The following ARFGEF2 variants were observed in gnomAD, a reference collection of about 807,000 sequenced individuals.
ARFGEF2 encodes the protein ARF guanine nucleotide exchange factor 2.
A neutral mutation model predicts 219.9 loss-of-function variants in ARFGEF2; 74 were observed. The observed-to-expected ratio is 0.34, with a 90% CI of 0.28 to 0.41. The LOEUF (loss-of-function observed/expected upper bound fraction) is 0.41, where lower values mean the gene tolerates loss of function less well. Ranked by LOEUF, ARFGEF2 falls within the 10% of genes least tolerant of loss-of-function variation. The probability of loss-of-function intolerance (pLI) is 1.00; values close to 1 mark genes in which losing one functional copy is unlikely to be tolerated. For missense variants in ARFGEF2, 1,743 were observed against 2,218.3 expected (o/e 0.79, Z 4.30); for synonymous variants, 733 against 799.2 (o/e 0.92, Z 1.40).
intron 6 of ARFGEF2, among the ~76,000 whole-genome samples, chr20:48,956,620 C>G (rs2091107319): frequency 6.6e-6 from 1 of 152,192 alleles, no homozygotes; most frequent in Admixed American, 6.5e-5. Flanking sequence ...CTTGCCCAGG[C>G]TGTAGTGCAG....
intron 12 of ARFGEF2, among the ~76,000 whole-genome samples, chr20:48,974,221 G>C (rs1370693468): frequency 7.0e-6 from 1 of 142,280 alleles, no homozygotes; most frequent in Non-Finnish European, 1.5e-5. Context: ...CACCTCCCAG[G>C]TTCAAGTGAT....
chr20:49,002,115 G>A (rs1305299504), intron 25 of ARFGEF2, among the ~76,000 whole-genome samples: 1 of 152,184 alleles, frequency 6.6e-6, no homozygotes, highest in African/African-American at 2.4e-5. Flanking sequence ...GTGGACGCCT[G>A]TAATCCCAGC....
rs911802916 is a variant in ARFGEF2 at position 48,983,515 on chromosome 20, T to C, written c.1959-1214T>C. ...TTTTTAAAACATAAATCAAGTCTTATCACTCTCCTGCCTAAATCATTCCAG... is the reference window on the plus strand; with the variant it reads ...TTTTTAAAACATAAATCAAGTCTTACCACTCTCCTGCCTAAATCATTCCAG... On this transcript the variant is annotated intron_variant, in intron 14 of 38. Coordinates refer to ENST00000371917, the MANE Select transcript of ARFGEF2 (RefSeq NM_006420.3). Among the ~76,000 whole-genome samples the C allele has an allele frequency of 3.3e-5, 5 of 152,348 alleles. No homozygotes were observed. The South Asian group carries it at 1.0e-3, about 32-fold the overall frequency.
intron 25 of ARFGEF2, 121 bp downstream of exon 25, chr20:48,998,626 C>T: frequency 9.9e-7 from 1 of 1,011,286 alleles, no homozygotes; most frequent in Non-Finnish European, 1.5e-6. Flanking sequence ...TTCATTTTCC[C>T]TGTGCAGTCA....
Position 49,023,683 on chromosome 20 carries a change from C to T in ARFGEF2, c.4755+502C>T, listed in dbSNP as rs2091583001. Among the ~76,000 whole-genome samples, 4 of 151,700 alleles carry T rather than the reference C, an allele frequency of 2.6e-5. No homozygotes were observed. In the South Asian group the frequency reaches 6.3e-4, roughly 24 times the overall value. On this transcript the variant is annotated intron_variant, in intron 35 of 38. Coordinates refer to ENST00000371917, the MANE Select transcript of ARFGEF2 (RefSeq NM_006420.3). ...CCTCCCGAGTAGCTGGGACTACAGG[C>T]GCCCGCTACCACGCCCGGCTAATTT...
rs1308938052 is a variant in ARFGEF2, at chr20:48,950,794, T to TAA, written c.277-512_277-511dup. The stretch of plus-strand genomic sequence containing the variant: ...CTAGGTAACAGAATAAGACCCTGTC[T>TAA]AAAAAAAAAAAAAAAAAATATATAT... On this transcript the variant is annotated intron_variant, in intron 3 of 38. Coordinates refer to ENST00000371917, the MANE Select transcript of ARFGEF2 (RefSeq NM_006420.3). Among the ~76,000 whole-genome samples, 80 of 35,922 alleles carry TAA rather than the reference T, an allele frequency of 2.2e-3. 8 individuals carry two copies. Among genetic ancestry groups the TAA allele is most frequent in the Non-Finnish European group, 3.4e-3 (54 of 16,102 alleles). 23.6% of individuals were successfully genotyped at this position (35,922 alleles called of 152,430 possible). A position where few individuals can be genotyped will look rare whatever the true frequency, so the allele number is the denominator to read the frequency against.
rs745643599 is a variant in ARFGEF2, at chr20:48,922,040, G to A, written c.121+30G>A. 1.3e-5 allele frequency: 20 copies of A among 1,562,658 alleles called. No individual in the cohort carries two copies. The African/African-American group carries it at 2.2e-4, about 17-fold the overall frequency. On this transcript the variant is annotated intron_variant, in intron 1 of 38. Coordinates refer to ENST00000371917, the MANE Select transcript of ARFGEF2 (RefSeq NM_006420.3). ...GTGAGCCGCTCCCGCCCTGCCCCGC[G>A]CTGGCCTCAGCACGTCGGCCGTTGC...
chr20:48,950,080 A>G (rs1447425897), intron 3 of ARFGEF2, among the ~76,000 whole-genome samples: 1 of 152,088 alleles, frequency 6.6e-6, no homozygotes, highest in African/African-American at 2.4e-5. Flanking sequence ...AGGCTTAGAA[A>G]TCATCCTGCT....
chr20:49,033,254 C>T lies in ARFGEF2; in HGVS notation c.*55C>T. The T allele has an allele frequency of 6.3e-7, 1 of 1,590,836 alleles. No individual in the cohort carries two copies. The highest frequency in any genetic ancestry group is 8.6e-7 in the Non-Finnish European group (1 of 1,160,192). On this transcript the variant is annotated 3_prime_UTR_variant, in exon 39 of 39. Coordinates refer to ENST00000371917, the MANE Select transcript of ARFGEF2 (RefSeq NM_006420.3). ...CTGCAGAATGTTCAGCATGCCATTT[C>T]TGACTGGCACATCTCGTGAAGTTTC...
chr20:49,012,793 T>G (rs2091508117), intron 28 of ARFGEF2, among the ~76,000 whole-genome samples: 1 of 152,218 alleles, frequency 6.6e-6, no homozygotes, highest in Non-Finnish European at 1.5e-5. Flanking sequence ...GTTGATTCAT[T>G]TAGTCCCCAT....
chr20:48,949,251 T>C (rs1381929835), intron 3 of ARFGEF2, among the ~76,000 whole-genome samples: 3 of 152,200 alleles, frequency 2.0e-5, no homozygotes, highest in Admixed American at 2.0e-4. Context: ...TCGTAATCCA[T>C]GTCCAGCCTG....
At chr20:49,028,781 T>C (rs918440397) in intron 37 of ARFGEF2, 113 bp downstream of exon 37, 15 of 1,173,128 alleles carry the variant, frequency 1.3e-5, no homozygotes, top group Non-Finnish European at 1.8e-5. Flanking sequence ...CTCTGACAAA[T>C]TTTTTTTTCT....
At chr20:48,925,721 C>T (rs990552882) in intron 1 of ARFGEF2, among the ~76,000 whole-genome samples, 7 of 151,876 alleles carry the variant, frequency 4.6e-5, no homozygotes, top group African/African-American at 7.3e-5. Context: ...CCTGTAGTCC[C>T]GGCTACTTGG....
At chr20:48,942,359 A>C (rs1034574403) in intron 3 of ARFGEF2, among the ~76,000 whole-genome samples, 6 of 151,806 alleles carry the variant, frequency 4.0e-5, no homozygotes, top group African/African-American at 1.5e-4. Flanking sequence ...TATGTTGCCC[A>C]GGCTGGTCTT....
At chr20:49,026,311 C>G (rs1017585310) in intron 36 of ARFGEF2, among the ~76,000 whole-genome samples, 1 of 151,388 alleles carries the variant, frequency 6.6e-6, no homozygotes, top group Non-Finnish European at 1.5e-5. Flanking sequence ...GCCTGGGTGA[C>G]AGGGGGAGAC....
intron 26 of ARFGEF2, among the ~76,000 whole-genome samples, chr20:49,006,594 C>T (rs1297620654): frequency 6.6e-6 from 1 of 152,172 alleles, no homozygotes; most frequent in Non-Finnish European, 1.5e-5. Context: ...TTGGTAAGGG[C>T]ACCCTTAGGA....
At chr20:48,963,784 C>T (rs1272320574) in intron 6 of ARFGEF2, 46 bp from the exon 7 acceptor site, 1 of 1,579,344 alleles carries the variant, frequency 6.3e-7, no homozygotes. Context: ...CTTTGTTTTT[C>T]CTGAAAATGC....
At chr20:48,938,840 A>G (rs921758080) in intron 1 of ARFGEF2, among the ~76,000 whole-genome samples, 3 of 152,122 alleles carry the variant, frequency 2.0e-5, no homozygotes, top group African/African-American at 7.2e-5. Flanking sequence ...CCCTTCCTGT[A>G]CTGGGTGGAG....
In ARFGEF2 at chr20:49,017,230, A is replaced by G. The variant is rs761497111; in HGVS notation, c.4316-19A>G. On this transcript the variant is annotated intron_variant, in intron 31 of 38. Transcript: ENST00000371917. The stretch of plus-strand genomic sequence containing the variant: ...AATAGCAGTAGAAGTTTAATGATAG[A>G]TACTGCTTTATTTTACAGATAATGA... 5 of 1,613,368 alleles carry G rather than the reference A, an allele frequency of 3.1e-6. No homozygotes were observed. The highest frequency in any genetic ancestry group is 3.4e-6 in the Non-Finnish European group (4 of 1,179,760).
Sources: gnomAD v4.1 joint callset for allele counts (sites outside exome capture counted in the v4.1 genomes callset) on GRCh38, gnomAD v4.1.1 for gene constraint, MANE v1.5 for transcripts, NCBI Gene and HGNC (gene_info 2026-07-23, HGNC 2026-07-21) for gene names.